The following TRMT9B variants were observed in gnomAD, a reference collection of about 807,000 sequenced individuals.
The protein encoded by TRMT9B is probable tRNA methyltransferase 9B.
TRMT9B carries 16 observed loss-of-function variants against 11.5 expected under a neutral mutation model. That is an observed-to-expected ratio of 1.39 (90% CI 0.94 to 2.11). TRMT9B has a LOEUF of 2.11. Among genes scored for constraint, TRMT9B ranks in the 30% most tolerant of loss-of-function variants. The pLI is 0.00. For synonymous variants in TRMT9B, 274 were observed against 192.4 expected (o/e 1.42, Z -3.51); for missense variants, 941 against 553.8 (o/e 1.70, Z -7.02).
Position 13,021,863 on chromosome 8 carries a change from T to C in TRMT9B, c.1184T>C (p.Val395Ala). Residue 395 changes from valine to alanine, a missense_variant, in exon 5 of 5, where the codon GTC (valine) becomes GCC (alanine). By Grantham distance (64) the Val-to-Ala change is moderately conservative. Coordinates refer to ENST00000524591, the MANE Select transcript of TRMT9B (RefSeq NM_020844.3). ...TTCAACCCAGATGATACAATGTCTG[T>C]CGAAGATCCACAGACTGATGTTTTG... ...TDFNPDDTMS[V>A]EDPQTDVLDS... The C allele has an allele frequency of 6.2e-7, 1 of 1,613,908 alleles. No individual in the cohort carries two copies. Among genetic ancestry groups the C allele is most frequent in the South Asian group, 1.1e-5 (1 of 91,072 alleles).
At chr8:12,959,493 TC>T (rs1317468654) in intron 1 of TRMT9B, among the ~76,000 whole-genome samples, 3 of 147,120 alleles carry the variant, frequency 2.0e-5, no homozygotes, top group Non-Finnish European at 3.0e-5. Context: ...TCCTCTCCTC[TC>T]CTCTCCTTTC....
intron 2 of TRMT9B, among the ~76,000 whole-genome samples, chr8:12,994,266 C>G (rs1387725327): frequency 6.6e-6 from 1 of 152,222 alleles, no homozygotes; most frequent in African/African-American, 2.4e-5. Flanking sequence ...TCCCCAGAAT[C>G]TTAGATCTCC....
Position 13,023,577 on chromosome 8 carries a change from G to C in TRMT9B, c.*1533G>C, listed in dbSNP as rs1814280657. On this transcript the variant is annotated 3_prime_UTR_variant, in exon 5 of 5. Transcript: ENST00000524591. ...TGAGACACAAATATAATTAAGACAG[G>C]TCTAGAGACAGGAGAAGCAGAAATA... 6.0e-6 allele frequency: 1 copy of C among 167,058 alleles called. No individual in the cohort carries two copies. The highest frequency in any genetic ancestry group is 2.4e-5 in the African/African-American group (1 of 41,434). The allele number at this position is 167,058 out of a possible 1,614,324, so 10.3% of individuals were successfully genotyped here. A position where few individuals can be genotyped will look rare whatever the true frequency, so the allele number is the denominator to read the frequency against.
At chr8:12,982,555 G>A (rs190833671) in intron 1 of TRMT9B, among the ~76,000 whole-genome samples, 3 of 152,118 alleles carry the variant, frequency 2.0e-5, no homozygotes, top group Admixed American at 2.0e-4. Context: ...GCAGCTACTC[G>A]GGAGGCTGAG....
intron 1 of TRMT9B, among the ~76,000 whole-genome samples, chr8:12,965,712 C>T (rs898626067): frequency 5.3e-5 from 8 of 151,718 alleles, no homozygotes; most frequent in Admixed American, 1.3e-4. Flanking sequence ...AAGTGGCAGC[C>T]GACAGCAAGG....
At chr8:13,005,833 A>G (rs752889759) in intron 2 of TRMT9B, among the ~76,000 whole-genome samples, 2 of 152,220 alleles carry the variant, frequency 1.3e-5, no homozygotes, top group South Asian at 2.1e-4. Flanking sequence ...GCTACCTGTT[A>G]TGAAATTTTG....
At chr8:13,020,380 A>G (rs1438698494) in intron 4 of TRMT9B, among the ~76,000 whole-genome samples, 1 of 152,172 alleles carries the variant, frequency 6.6e-6, no homozygotes, top group Non-Finnish European at 1.5e-5. Context: ...CTTGAAGCTC[A>G]TTTCGACTTT....
In TRMT9B at chr8:13,028,488, T is replaced by C. The variant is rs762822198; in HGVS notation, c.*6444T>C. On this transcript the variant is annotated 3_prime_UTR_variant, in exon 5 of 5. Coordinates refer to ENST00000524591, the MANE Select transcript of TRMT9B (RefSeq NM_020844.3). ...GCAGTTAAGCCAGTGTACCTTGATG[T>C]TGAATTCCCTGAAGAAGGTACAATT... 4.8e-5 allele frequency: 8 copies of C among 167,020 alleles called. No individual in the cohort carries two copies. Among genetic ancestry groups the C allele is most frequent in the Admixed American group, 1.3e-4 (2 of 15,278 alleles). The allele number at this position is 167,020 out of a possible 1,614,324, so 10.3% of individuals were successfully genotyped here. A position where few individuals can be genotyped will look rare whatever the true frequency, so the allele number is the denominator to read the frequency against.
chr8:12,988,035 T>C (rs1252106935), intron 1 of TRMT9B, among the ~76,000 whole-genome samples: 1 of 152,240 alleles, frequency 6.6e-6, no homozygotes, highest in Non-Finnish European at 1.5e-5. Flanking sequence ...GGACCATCTG[T>C]ATATATTTCT....
rs149417788 is a variant in TRMT9B at position 12,990,622 on chromosome 8, G to A, written c.-199-212G>A. 9.9e-5 allele frequency among the ~76,000 whole-genome samples: 15 copies of A among 152,250 alleles called. No individual in the cohort carries two copies. The East Asian group carries it at 2.5e-3, about 25-fold the overall frequency. ...CAATTTAATTTTAGGAGAAAGTATTGTATGTTTTATAGAAAGCTTAGGAAT... is the reference window on the plus strand; with the variant it reads ...CAATTTAATTTTAGGAGAAAGTATTATATGTTTTATAGAAAGCTTAGGAAT... On this transcript the variant is annotated intron_variant, in intron 1 of 4. Transcript: ENST00000524591.
At chr8:13,012,070 C>G (rs776003614) in intron 3 of TRMT9B, 713 of 985,356 alleles carry the variant, frequency 7.2e-4, no homozygotes, top group Non-Finnish European at 8.3e-4. Context: ...CTAGAACTAT[C>G]TTTCTTGCCT....
intron 2 of TRMT9B, among the ~76,000 whole-genome samples, chr8:12,995,055 T>C (rs1234938061): frequency 6.6e-6 from 1 of 152,244 alleles, no homozygotes; most frequent in Non-Finnish European, 1.5e-5. Context: ...TTCTCATGCA[T>C]TCGTTTGAAG....
Position 13,012,720 on chromosome 8 carries a change from A to G in TRMT9B, c.191A>G (p.Gln64Arg). ...GTGKYLKVNSQVHTVGCDYCG... is the reference protein window; with the variant it reads ...GTGKYLKVNSRVHTVGCDYCG... ...GGAAAATATCTTAAAGTGAACAGCC[A>G]GGTACATACCGTGGGCTGTGACTAC... The change falls in exon 4 of 5, where the codon CAG becomes CGG. Residue 64 changes from glutamine (Q) to arginine (R), a missense_variant. By Grantham distance (43) the Gln-to-Arg change is conservative. Transcript: ENST00000524591. 6.2e-7 allele frequency: 1 copy of G among 1,614,022 alleles called. No individual in the cohort carries two copies.
At chr8:12,962,575 C>G (rs1317947067) in intron 1 of TRMT9B, among the ~76,000 whole-genome samples, 1 of 152,116 alleles carries the variant, frequency 6.6e-6, no homozygotes, top group Non-Finnish European at 1.5e-5. Flanking sequence ...ACTGCAACCT[C>G]TGCCTCCTGG....
intron 1 of TRMT9B, among the ~76,000 whole-genome samples, chr8:12,954,985 C>T (rs145466072): frequency 6.6e-6 from 1 of 152,144 alleles, no homozygotes; most frequent in Non-Finnish European, 1.5e-5. Flanking sequence ...GGTGTAAATG[C>T]TGAGTACACA....
chr8:13,014,771 C>G (rs1812310352), intron 4 of TRMT9B, among the ~76,000 whole-genome samples: 1 of 151,996 alleles, frequency 6.6e-6, no homozygotes, highest in Non-Finnish European at 1.5e-5. Context: ...GGAGAAAGGT[C>G]AAAGAAATGG....
chr8:12,987,417 G>C (rs1051095056), intron 1 of TRMT9B, among the ~76,000 whole-genome samples: 1 of 152,136 alleles, frequency 6.6e-6, no homozygotes, highest in Admixed American at 6.6e-5. Flanking sequence ...TAGGCCTGGT[G>C]CAGTGGCTGA....
intron 1 of TRMT9B, among the ~76,000 whole-genome samples, chr8:12,954,479 C>G (rs1344416378): frequency 6.6e-6 from 1 of 152,204 alleles, no homozygotes; most frequent in East Asian, 1.9e-4. Flanking sequence ...TCACTGTTCT[C>G]ATTTGTGTTT....
At chr8:13,008,677 C>A (rs1354520218) in intron 3 of TRMT9B, among the ~76,000 whole-genome samples, 1 of 152,086 alleles carries the variant, frequency 6.6e-6, no homozygotes, top group Non-Finnish European at 1.5e-5. Context: ...GTCAAAAGAC[C>A]AAAATCAAAC....
Sources: allele counts gnomAD v4.1 joint callset (sites outside exome capture counted in the v4.1 genomes callset), GRCh38; gene constraint gnomAD v4.1.1; transcripts MANE v1.5; gene names NCBI Gene and HGNC (gene_info 2026-07-23, HGNC 2026-07-21).